KIF12: variants seen among roughly 807,000 people sequenced by gnomAD.
KIF12 encodes kinesin family member 12.
Under a neutral mutation model 87.9 loss-of-function variants are expected in KIF12, and 80 were observed. The ratio of observed to expected loss-of-function variants is 0.91; its 90% confidence interval spans 0.76 to 1.10. The LOEUF (loss-of-function observed/expected upper bound fraction) is 1.10. KIF12 is among the 50% of genes least tolerant of loss of function. KIF12 has a pLI of 0.00. For synonymous variants in KIF12, 353 were observed against 348.5 expected (o/e 1.01, Z -0.14); for missense variants, 819 against 865.3 (o/e 0.95, Z 0.67).
chr9:114,099,012 C>G lies in KIF12; in HGVS notation c.94G>C (p.Val32Leu). 1 of 1,550,334 alleles carries G rather than the reference C, an allele frequency of 6.5e-7. No individual in the cohort carries two copies. Among genetic ancestry groups the G allele is most frequent in the African/African-American group, 1.4e-5 (1 of 73,124 alleles). The change falls in exon 3 of 19, where the codon GTA (valine) becomes CTA (leucine). Residue 32 changes from valine (V) to leucine (L), a missense_variant and splice_region_variant. By Grantham distance (32) the Val-to-Leu change is conservative (BLOSUM62 1). Transcript: ENST00000640217. The stretch of plus-strand genomic sequence containing the variant: ...AGCTCGGCCGCGCTCATGGGACGTA[C>G]CCTGGGGTCCGACAGAAGGGCAGAT... ...PETPIQVVLR[V>L]RPMSAAELRR...
rs990525731 is a variant in KIF12, at chr9:114,091,638, T to G, written c.*223A>C. 4.0e-6 allele frequency: 2 copies of G among 497,504 alleles called. No individual in the cohort carries two copies. The highest frequency in any genetic ancestry group is 7.0e-6 in the Non-Finnish European group (2 of 284,858). 30.8% of individuals were successfully genotyped at this position (497,504 alleles called of 1,614,324 possible). ...CCCCAGAGGATAGAACCAACCAGAC[T>G]TGGAGCTGATGCCTCTCTTTATTCA... On this transcript the variant is annotated 3_prime_UTR_variant, in exon 19 of 19. Transcript: ENST00000640217.
rs1564384874 is a variant in KIF12, at chr9:114,098,122, G to C, written c.368C>G (p.Pro123Arg). The change falls in exon 5 of 19, where the codon CCT becomes CGT. Residue 123 changes from proline (P) to arginine (R), a missense_variant. Transcript: ENST00000640217. ...SGKTYTLTGP[P>R]PQGEGVPVPP... The stretch of plus-strand genomic sequence containing the variant: ...CCGCCGGCGCTCGCTCACCTGGGGA[G>C]GGGGTCCAGTCAGGGTGTAGGTCTT... 6.5e-7 allele frequency: 1 copy of C among 1,547,662 alleles called. No homozygotes were observed. Among genetic ancestry groups the C allele is most frequent in the East Asian group, 2.5e-5 (1 of 40,806 alleles).
At chr9:114,097,884 AT>A in intron 5 of KIF12, 143 bp from the exon 6 acceptor site, 1 of 1,089,876 alleles carries the variant, frequency 9.2e-7, no homozygotes, top group Non-Finnish European at 1.3e-6. Context: ...TGTCACTTCC[AT>A]TTTACAGATG....
rs778910753 is a variant in KIF12 at position 114,092,603 on chromosome 9, C to A, written c.1636G>T (p.Ala546Ser). 3.1e-6 allele frequency: 5 copies of A among 1,601,754 alleles called. No homozygotes were observed. The highest frequency in any genetic ancestry group is 4.3e-6 in the Non-Finnish European group (5 of 1,176,356). Residue 546 changes from alanine (A) to serine (S), a missense_variant, in exon 17 of 19, where the codon GCC becomes TCC. Transcript: ENST00000640217. The stretch of plus-strand genomic sequence containing the variant: ...GGGGGTGCCCAGGGTGGGGGCCGGG[C>A]AGATGGGGGCCTGCCACCTGAGGCC... ...PEASGGRPPS[A>S]RPPPWAPPCS...
intron 5 of KIF12, 118 bp downstream of exon 5, chr9:114,097,997 C>T (rs2134908890): frequency 1.9e-6 from 2 of 1,075,902 alleles, no homozygotes; most frequent in Non-Finnish European, 2.6e-6. Flanking sequence ...TGCAAACAAG[C>T]GGGTCAGGCG....
Position 114,096,411 on chromosome 9 carries a change from G to T in KIF12, c.714C>A (p.Leu238=). 1 of 1,613,258 alleles carries T rather than the reference G, an allele frequency of 6.2e-7. No individual in the cohort carries two copies. Among genetic ancestry groups the T allele is most frequent in the Non-Finnish European group, 8.5e-7 (1 of 1,179,718 alleles). Reference sequence around the variant, plus strand: ...CAGTTTGACGGCTGATGTAAAGGGTGAGCAGGGCATGGCTTCGGCTGGAGG... The same window carrying T: ...CAGTTTGACGGCTGATGTAAAGGGTTAGCAGGGCATGGCTTCGGCTGGAGG... ...NQASSRSHAL[L]TLYISRQTAQ... is the part of the protein sequence containing the mutation. Residue 238 remains leucine (L), a synonymous_variant, in exon 8 of 19, where the codon CTC becomes CTA. Transcript: ENST00000640217.
Position 114,091,979 on chromosome 9 carries a change from A to G in KIF12, c.1838T>C (p.Leu613Pro), listed in dbSNP as rs1391232359. The G allele has an allele frequency of 6.2e-7, 1 of 1,612,068 alleles. No homozygotes were observed. Residue 613 changes from leucine to proline, a missense_variant, in exon 19 of 19, where the codon CTG becomes CCG. Leu to Pro is a moderately conservative substitution (Grantham distance 98). Transcript: ENST00000640217. ...GLRGGAGVPN[L>P]AQRLEALRDQ... Reference sequence around the variant, plus strand: ...TCTGAGGGCCTCCAGTCTCTGGGCCAGGTTTGGAACCCCGGCCCCACCTAA... The same window carrying G: ...TCTGAGGGCCTCCAGTCTCTGGGCCGGGTTTGGAACCCCGGCCCCACCTAA...
Position 114,093,424 on chromosome 9 carries a change from G to A in KIF12, c.1474C>T (p.Pro492Ser). The stretch of plus-strand genomic sequence containing the variant: ...AGACTCACATGGCAAGGGGGAGCTG[G>A]GGCCATCAAGCAGGGACACGGTGGG... ...LTPPCPCLMA[P>S]APPCHALPPL... The change falls in exon 15 of 19, where the codon CCA (proline) becomes TCA (serine). Residue 492 changes from proline (P) to serine (S), a missense_variant. By Grantham distance (74) the Pro-to-Ser change is moderately conservative. Transcript: ENST00000640217. 3 of 1,568,502 alleles carry A rather than the reference G, an allele frequency of 1.9e-6. No individual in the cohort carries two copies. The highest frequency in any genetic ancestry group is 1.2e-5 in the South Asian group (1 of 84,912).
At chr9:114,093,613 C>T in intron 14 of KIF12, 116 bp from the exon 15 acceptor site, 1 of 894,310 alleles carries the variant, frequency 1.1e-6, no homozygotes, top group South Asian at 1.5e-5. Flanking sequence ...GGGCCCCATT[C>T]TCAAAGTTTT....
rs141847694 is a variant in KIF12, at chr9:114,094,889, G to A, written c.1119+134C>T. The A allele has an allele frequency of 3.2e-4, 247 of 767,568 alleles. 2 individuals are homozygous for A. The African/African-American group carries it at 4.1e-3, about 13-fold the overall frequency. The allele number at this position is 767,568 out of a possible 1,614,324, so 47.5% of individuals were successfully genotyped here. Reference sequence around the variant, plus strand: ...CCCCATCCTATACAACCATGATACCGATTCCAGGATTCCAACCCTAATCCC... The same window carrying A: ...CCCCATCCTATACAACCATGATACCAATTCCAGGATTCCAACCCTAATCCC... On this transcript the variant is annotated intron_variant, in intron 11 of 18. Transcript: ENST00000640217.
chr9:114,092,126 A>AC, intron 18 of KIF12, 126 bp from the exon 19 acceptor site: 1 of 588,936 alleles, frequency 1.7e-6, no homozygotes. Context: ...CCCCCACCCC[A>AC]CCCCCATACA....
chr9:114,092,372 G>A lies in KIF12; in HGVS notation c.1777C>T (p.Leu593=). The change falls in exon 18 of 19, where the codon CTG becomes TTG. Residue 593 remains leucine, a synonymous_variant. Coordinates refer to ENST00000640217, the MANE Select transcript of KIF12 (RefSeq NM_001388308.1). The part of the protein sequence containing the change: ...EEEVVPSAPP[L]PVRPPKTSPG... ...GATGTCTTCGGGGGCCTCACAGGCAGGGGAGGTGCAGAAGGTACCACCTCC... is the reference window on the plus strand; with the variant it reads ...GATGTCTTCGGGGGCCTCACAGGCAAGGGAGGTGCAGAAGGTACCACCTCC... 6.2e-7 allele frequency: 1 copy of A among 1,608,880 alleles called. No individual in the cohort carries two copies. The highest frequency in any genetic ancestry group is 8.5e-7 in the Non-Finnish European group (1 of 1,177,920).
intron 3 of KIF12, 24 bp from the exon 4 acceptor site, chr9:114,098,453 C>T: frequency 1.4e-6 from 2 of 1,414,420 alleles, no homozygotes; most frequent in South Asian, 1.3e-5. Context: ...GGCGGAGGAG[C>T]GGGGCACTCT....
At chr9:114,096,845 C>A (rs1262001129) in intron 7 of KIF12, among the ~76,000 whole-genome samples, 1 of 151,484 alleles carries the variant, frequency 6.6e-6, no homozygotes, top group Non-Finnish European at 1.5e-5. Flanking sequence ...GAGGGGTGCC[C>A]AATAAATACT....
chr9:114,092,259 A>AG, intron 18 of KIF12, 74 bp downstream of exon 18: 2 of 1,483,404 alleles, frequency 1.3e-6, no homozygotes, highest in South Asian at 2.8e-5. Flanking sequence ...GATAAGACTG[A>AG]GGCCTGGAGA....
At chr9:114,092,996 T>C in intron 16 of KIF12, 4 of 1,319,546 alleles carry the variant, frequency 3.0e-6, no homozygotes, top group Middle Eastern at 2.7e-4. Context: ...TGTGAGTGAA[T>C]GAATAAGTGA....
rs143019526 is a variant in KIF12, at chr9:114,091,865, T to C, written c.1952A>G (p.His651Arg). The change falls in exon 19 of 19, where the codon CAT becomes CGT. Residue 651 changes from histidine to arginine, a missense_variant. Coordinates refer to ENST00000640217, the MANE Select transcript of KIF12 (RefSeq NM_001388308.1). The stretch of plus-strand genomic sequence containing the variant: ...TCCTGGGTTCCCACTTGGCCTTCAA[T>C]GGGGAGGGAGGACTTGGCCTGGGCT... ...ARSPGQVLPP[H>R] 6.3e-6 allele frequency: 10 copies of C among 1,597,764 alleles called. No individual in the cohort carries two copies. Among genetic ancestry groups the C allele is most frequent in the African/African-American group, 5.4e-5 (4 of 74,504 alleles).
At chr9:114,096,005 C>T (rs778225585) in intron 9 of KIF12, 46 bp downstream of exon 9, 4 of 1,571,862 alleles carry the variant, frequency 2.5e-6, no homozygotes, top group South Asian at 2.4e-5. Flanking sequence ...GTGAGCCAGG[C>T]ACAGAGGAGA....
rs113114344 is a variant in KIF12, at chr9:114,094,602, G to A, written c.1120-147C>T. On this transcript the variant is annotated intron_variant, in intron 11 of 18. Transcript: ENST00000640217. ...TGCATCTTGGCACAAGGCTGTATCT[G>A]CCTGGAAGGGGCACCTTGTCCTAAG... 2,300 of 611,934 alleles carry A rather than the reference G, an allele frequency of 3.8e-3. 37 individuals are homozygous for A. The highest frequency in any genetic ancestry group is 0.037 in the African/African-American group (1,999 of 54,180). The allele number at this position is 611,934 out of a possible 1,614,324, so 37.9% of individuals were successfully genotyped here.
Sources: gnomAD v4.1 joint callset for allele counts (sites outside exome capture counted in the v4.1 genomes callset) on GRCh38, gnomAD v4.1.1 for gene constraint, MANE v1.5 for transcripts, NCBI Gene and HGNC (gene_info 2026-07-23, HGNC 2026-07-21) for gene names.